The following FRK variants were observed in gnomAD, a reference collection of about 807,000 sequenced individuals.
FRK encodes the protein fyn related Src family tyrosine kinase.
A neutral mutation model predicts 56.4 loss-of-function variants in FRK; 51 were observed. The observed-to-expected ratio is 0.90, with a 90% CI of 0.72 to 1.14. FRK has a LOEUF of 1.14. Among genes scored for constraint, FRK ranks in the 50% most tolerant of loss-of-function variants. The pLI, the probability that FRK is intolerant of heterozygous loss-of-function variation, is 0.00. For synonymous variants in FRK, 245 were observed against 217.9 expected, an observed-to-expected ratio of 1.12 and a Z score of -1.10; for missense variants, 570 against 601.4, an observed-to-expected ratio of 0.95 and a Z score of 0.55.
At chr6:116,024,328 A>G (rs1405455105) in intron 1 of FRK, among the ~76,000 whole-genome samples, 1 of 151,698 alleles carries the variant, frequency 6.6e-6, no homozygotes, top group Admixed American at 6.6e-5. Context: ...GGTTAGTTAC[A>G]TATGTATACA....
the FRK span, among the ~76,000 whole-genome samples, chr6:116,074,043 C>T: frequency 2.7e-5 from 4 of 148,524 alleles, no homozygotes; most frequent in East Asian, 1.9e-4. Flanking sequence ...CTACTGCAGA[C>T]GCTCTTTCTA....
chr6:116,047,056 C>CAT (rs1350004157), intron 1 of FRK, among the ~76,000 whole-genome samples: 41 of 149,936 alleles, frequency 2.7e-4, no homozygotes, highest in African/African-American at 8.8e-4. Context: ...TATTTATATA[C>CAT]ATATATATAT....
intron 1 of FRK, among the ~76,000 whole-genome samples, chr6:116,039,810 C>T (rs1269595013): frequency 6.6e-6 from 1 of 151,994 alleles, no homozygotes; most frequent in Non-Finnish European, 1.5e-5. Flanking sequence ...AGAAACCATC[C>T]TCTTCCTTCT....
At chr6:116,047,975 T>C (rs1777043347) in intron 1 of FRK, among the ~76,000 whole-genome samples, 1 of 152,220 alleles carries the variant, frequency 6.6e-6, no homozygotes, top group Non-Finnish European at 1.5e-5. Context: ...ATGGGACAGT[T>C]ACTACAACTT....
intron 1 of FRK, among the ~76,000 whole-genome samples, chr6:116,007,760 C>T (rs1388765240): frequency 1.3e-5 from 2 of 152,104 alleles, no homozygotes; most frequent in East Asian, 1.9e-4. Flanking sequence ...CCTATTAATA[C>T]ACTATAATGT....
At chr6:116,025,330 A>T (rs1344762659) in intron 1 of FRK, among the ~76,000 whole-genome samples, 1 of 152,208 alleles carries the variant, frequency 6.6e-6, no homozygotes, top group Non-Finnish European at 1.5e-5. Flanking sequence ...TATGCTCCCA[A>T]TTAGCTGAGG....
chr6:116,054,137 C>A (rs1777285469), intron 1 of FRK, among the ~76,000 whole-genome samples: 1 of 151,138 alleles, frequency 6.6e-6, no homozygotes, highest in Non-Finnish European at 1.5e-5. Flanking sequence ...ATAAACAGTA[C>A]AATTATATTA....
At chr6:116,026,271 T>A (rs1413335719) in intron 1 of FRK, among the ~76,000 whole-genome samples, 1 of 152,112 alleles carries the variant, frequency 6.6e-6, no homozygotes, top group Non-Finnish European at 1.5e-5. Flanking sequence ...CTATATACGC[T>A]ATGGCTAAGT....
intron 1 of FRK, among the ~76,000 whole-genome samples, chr6:116,033,618 A>G (rs932614319): frequency 6.6e-6 from 1 of 152,174 alleles, no homozygotes; most frequent in African/African-American, 2.4e-5. Context: ...GAAGCCAAGG[A>G]AAAAGAAATG....
the FRK span, among the ~76,000 whole-genome samples, chr6:116,100,085 C>A: frequency 6.6e-6 from 1 of 152,196 alleles, no homozygotes. Flanking sequence ...GCTCTATAAA[C>A]CTTAAACCCG....
intron 2 of FRK, among the ~76,000 whole-genome samples, chr6:115,984,812 T>C (rs867350516): frequency 6.6e-6 from 1 of 151,982 alleles, no homozygotes; most frequent in South Asian, 2.1e-4. Context: ...ACATGATCAG[T>C]ATCCACTTCT....
rs142794855 is a variant in FRK, at chr6:116,050,952, G to T, written c.344+9016C>A. On this transcript the variant is annotated intron_variant, in intron 1 of 7. Coordinates refer to ENST00000606080, the MANE Select transcript of FRK (RefSeq NM_002031.3). The stretch of plus-strand genomic sequence containing the variant: ...AGTACAATGCTGGAAGTTGCAGGGT[G>T]GTGTCTTCGTATGTCAGAATTAATT... Among the ~76,000 whole-genome samples the T allele has an allele frequency of 9.9e-5, 15 of 152,206 alleles. No homozygotes were observed. The East Asian group carries it at 2.9e-3, about 29-fold the overall frequency.
intron 2 of FRK, 106 bp from the exon 3 acceptor site, chr6:115,968,845 TTA>T: frequency 1.1e-6 from 1 of 907,894 alleles, no homozygotes; most frequent in Non-Finnish European, 1.7e-6. Flanking sequence ...CTATATAAAA[TTA>T]TATGTGTTTC....
At chr6:116,067,730 G>T in the FRK span, among the ~76,000 whole-genome samples, 1 of 152,140 alleles carries the variant, frequency 6.6e-6, no homozygotes, top group Non-Finnish European at 1.5e-5. Context: ...TGTTGTTGTT[G>T]TCATTGTTTT....
In FRK at chr6:115,938,343, T is replaced by C. The variant is rs926298130; in HGVS notation, c.*4071A>G. ...TTAAAGCAGTGTGTAGAGGGAAATT[T>C]ATAGCACCAACTGCCCACAAGAGGA... is the stretch of plus-strand genomic sequence containing the variant. On this transcript the variant is annotated 3_prime_UTR_variant, in exon 8 of 8. Coordinates refer to ENST00000606080, the MANE Select transcript of FRK (RefSeq NM_002031.3). 6.6e-6 allele frequency: 1 copy of C among 152,202 alleles called. No homozygotes were observed. The highest frequency in any genetic ancestry group is 1.5e-5 in the Non-Finnish European group (1 of 68,036). 9.4% of individuals were successfully genotyped at this position (152,202 alleles called of 1,614,324 possible).
chr6:115,975,328 T>TAAATACAAA (rs1773952884), intron 2 of FRK, among the ~76,000 whole-genome samples: 1 of 152,180 alleles, frequency 6.6e-6, no homozygotes, highest in Admixed American at 6.6e-5. Flanking sequence ...AGATATGTAT[T>TAAATACAAA]ATTTAAAAAT....
intron 1 of FRK, among the ~76,000 whole-genome samples, chr6:116,006,888 A>G (rs1775266204): frequency 6.6e-6 from 1 of 152,214 alleles, no homozygotes. Context: ...AGAGTAAGTT[A>G]AAGAATGAAA....
At chr6:116,072,761 G>A in the FRK span, among the ~76,000 whole-genome samples, 1 of 152,010 alleles carries the variant, frequency 6.6e-6, no homozygotes, top group African/African-American at 2.4e-5. Context: ...GAGAATTAAG[G>A]GTTGTTATCC....
At chr6:116,097,688 C>A in the FRK span, among the ~76,000 whole-genome samples, 1 of 152,158 alleles carries the variant, frequency 6.6e-6, no homozygotes, top group Non-Finnish European at 1.5e-5. Flanking sequence ...TGTAATATAA[C>A]TTCCTGTTTC....
Sources: allele counts gnomAD v4.1 joint callset (sites outside exome capture counted in the v4.1 genomes callset), GRCh38; gene constraint gnomAD v4.1.1; transcripts MANE v1.5; gene names NCBI Gene and HGNC (gene_info 2026-07-23, HGNC 2026-07-21).